CLEC16A: variants seen among roughly 807,000 people sequenced by gnomAD.
The protein encoded by CLEC16A is protein CLEC16A.
A neutral mutation model predicts 109.5 loss-of-function variants in CLEC16A; 51 were observed. The observed-to-expected ratio is 0.47, with a 90% confidence interval of 0.37 to 0.59. CLEC16A has a LOEUF of 0.59. CLEC16A is among the 20% of genes least tolerant of loss of function. The probability of loss-of-function intolerance (pLI) is 0.00; values close to 1 mark genes in which losing one functional copy is unlikely to be tolerated. For synonymous variants in CLEC16A, 673 were observed against 564.2 expected (o/e 1.19, Z -2.73); for missense variants, 1,339 against 1,394.0 (o/e 0.96, Z 0.63).
chr16:11,131,137 G>C (rs574835711), intron 22 of CLEC16A, among the ~76,000 whole-genome samples: 4 of 152,202 alleles, frequency 2.6e-5, no homozygotes, highest in Non-Finnish European at 5.9e-5. Context: ...TGGCCAAGGA[G>C]GGGGGTCAGT....
chr16:11,033,509 C>T (rs945977727), intron 13 of CLEC16A, among the ~76,000 whole-genome samples: 1 of 152,154 alleles, frequency 6.6e-6, no homozygotes, highest in Non-Finnish European at 1.5e-5. Flanking sequence ...CAGTCCTGGC[C>T]TGTGAGCACA....
At position 11,125,960 on chromosome 16, in the gene CLEC16A, T is replaced by C. The variant is rs200077511; in HGVS notation, c.2474-19T>C. The C allele has an allele frequency of 1.5e-6, 2 of 1,333,960 alleles. No individual in the cohort carries two copies. Among genetic ancestry groups the C allele is most frequent in the African/African-American group, 3.4e-5 (2 of 58,326 alleles). The allele number at this position is 1,333,960 out of a possible 1,614,324, so 82.6% of individuals were successfully genotyped here. ...TATCCCACATGCTCAGAGTGAACCATGCTATTGTTTGACCGTAGCCCTCCT... is the reference window on the plus strand; with the variant it reads ...TATCCCACATGCTCAGAGTGAACCACGCTATTGTTTGACCGTAGCCCTCCT... On this transcript the variant is annotated intron_variant, in intron 21 of 23. Coordinates refer to ENST00000409790, the MANE Select transcript of CLEC16A (RefSeq NM_015226.3).
chr16:11,124,011 C>T, intron 21 of CLEC16A, 65 bp downstream of exon 21: 3 of 1,435,028 alleles, frequency 2.1e-6, no homozygotes, highest in Non-Finnish European at 2.9e-6. Context: ...GTTTGTAGTT[C>T]TCACACTGAC....
chr16:11,032,096 ACT>A (rs1333733205), intron 13 of CLEC16A, among the ~76,000 whole-genome samples: 7 of 151,966 alleles, frequency 4.6e-5, no homozygotes, highest in Admixed American at 3.3e-4. Flanking sequence ...GTGAGCATGG[ACT>A]CTGCCCGCAG....
intron 19 of CLEC16A, among the ~76,000 whole-genome samples, chr16:11,116,864 G>A (rs1396445411): frequency 1.3e-5 from 2 of 152,130 alleles, no homozygotes; most frequent in Non-Finnish European, 2.9e-5. Context: ...CTGGGATGTG[G>A]TAATACATAG....
At chr16:11,105,637 G>C (rs1383543044) in intron 19 of CLEC16A, among the ~76,000 whole-genome samples, 1 of 152,234 alleles carries the variant, frequency 6.6e-6, no homozygotes, top group Non-Finnish European at 1.5e-5. Context: ...TTTGGAAGCA[G>C]ACAGAGCTGA....
chr16:11,114,074 C>T (rs1350089501), intron 19 of CLEC16A, among the ~76,000 whole-genome samples: 8 of 151,414 alleles, frequency 5.3e-5, no homozygotes, highest in Admixed American at 1.3e-4. Flanking sequence ...CTTGCCAATC[C>T]TATGGGCAGA....
At chr16:10,947,944 A>C (rs1447665443) in intron 1 of CLEC16A, among the ~76,000 whole-genome samples, 3 of 151,876 alleles carry the variant, frequency 2.0e-5, no homozygotes, top group Admixed American at 1.3e-4. Context: ...CCCAGGCTGG[A>C]GTGCAGTGGC....
At position 11,182,062 on chromosome 16, in the gene CLEC16A, AG is replaced by A. The variant is rs1193328631; in HGVS notation, c.*3375del. On this transcript the variant is annotated 3_prime_UTR_variant, in exon 24 of 24. Coordinates refer to ENST00000409790, the MANE Select transcript of CLEC16A (RefSeq NM_015226.3). The stretch of plus-strand genomic sequence containing the variant: ...TGCCTCTGAGCCTCGGGACCGCTCT[AG>A]GGAAGTACCTGCTTTCGCCAGCATG... 1.3e-5 allele frequency: 2 copies of A among 152,458 alleles called. No individual in the cohort carries two copies. Among genetic ancestry groups the A allele is most frequent in the Non-Finnish European group, 2.9e-5 (2 of 68,056 alleles). 9.4% of individuals were successfully genotyped at this position (152,458 alleles called of 1,614,324 possible).
At chr16:11,004,218 A>G (rs544616199) in intron 11 of CLEC16A, among the ~76,000 whole-genome samples, 1 of 152,126 alleles carries the variant, frequency 6.6e-6, no homozygotes, top group East Asian at 1.9e-4. Context: ...GAGATCATTT[A>G]CTCTTGGGAT....
At chr16:11,027,799 A>G (rs1303007962) in intron 13 of CLEC16A, 9 of 870,278 alleles carry the variant, frequency 1.0e-5, no homozygotes, top group Middle Eastern at 3.2e-4. Flanking sequence ...TTTTTGATCA[A>G]TGAAGTGGAA....
chr16:11,149,598 C>A (rs34720006), intron 22 of CLEC16A, among the ~76,000 whole-genome samples: 27,948 of 151,954 alleles, frequency 0.18, 3,288 homozygotes, highest in Middle Eastern at 0.26. Context: ...TCAAGACCAG[C>A]CTGAGCAACA....
intron 15 of CLEC16A, 88 bp from the exon 16 acceptor site, chr16:11,043,940 C>A: frequency 2.1e-6 from 2 of 971,908 alleles, no homozygotes; most frequent in Non-Finnish European, 3.1e-6. Context: ...CTGTTTTATA[C>A]ACACTCATGT....
intron 22 of CLEC16A, among the ~76,000 whole-genome samples, chr16:11,129,810 T>A (rs929662367): frequency 6.7e-6 from 1 of 149,712 alleles, no homozygotes; most frequent in Non-Finnish European, 1.5e-5. Flanking sequence ...TCGCCCAGGC[T>A]GGGGTGCAGT....
chr16:11,066,337 G>A (rs543036993), intron 19 of CLEC16A, among the ~76,000 whole-genome samples: 238 of 152,158 alleles, frequency 1.6e-3, no homozygotes, highest in African/African-American at 5.5e-3. Context: ...AGTTTGCAGT[G>A]GCGATGCCAG....
At chr16:11,051,924 A>G (rs1225335480) in intron 18 of CLEC16A, among the ~76,000 whole-genome samples, 1 of 152,232 alleles carries the variant, frequency 6.6e-6, no homozygotes, top group African/African-American at 2.4e-5. Context: ...TCAGGAGTGT[A>G]AGGCAATGGG....
intron 2 of CLEC16A, among the ~76,000 whole-genome samples, chr16:10,959,321 A>G (rs1416702183): frequency 2.6e-5 from 4 of 152,192 alleles, no homozygotes. Context: ...ATGATCTCCA[A>G]AGCAGAACAT....
In CLEC16A at chr16:10,944,813, G is replaced by A. The variant is rs763083315; in HGVS notation, c.80+16G>A. The A allele has an allele frequency of 3.1e-6, 5 of 1,591,278 alleles. No homozygotes were observed. Among genetic ancestry groups the A allele is most frequent in the Middle Eastern group, 3.3e-4 (2 of 6,030 alleles). Reference sequence around the variant, plus strand: ...ACCACCTCAAGTGAGTGTGGGGGGCGTAGCGGGAGGCCTCGGGGCTGGACA... The same window carrying A: ...ACCACCTCAAGTGAGTGTGGGGGGCATAGCGGGAGGCCTCGGGGCTGGACA... On this transcript the variant is annotated intron_variant, in intron 1 of 23. Coordinates refer to ENST00000409790, the MANE Select transcript of CLEC16A (RefSeq NM_015226.3).
Position 11,058,489 on chromosome 16 carries a change from A to G in CLEC16A, c.1996-2413A>G, listed in dbSNP as rs192630204. On this transcript the variant is annotated intron_variant, in intron 18 of 23. Coordinates refer to ENST00000409790, the MANE Select transcript of CLEC16A (RefSeq NM_015226.3). ...CTGTATTGATTAGGGAATAATAAGG[A>G]AAAAAGTCTGTACAAGTTGAGTACA... 3.3e-3 allele frequency among the ~76,000 whole-genome samples: 502 copies of G among 152,250 alleles called. 5 individuals are homozygous for G. The highest frequency in any genetic ancestry group is 0.012 in the African/African-American group (483 of 41,518).
Sources: allele counts gnomAD v4.1 joint callset (sites outside exome capture counted in the v4.1 genomes callset), GRCh38; gene constraint gnomAD v4.1.1; transcripts MANE v1.5; gene names NCBI Gene and HGNC (gene_info 2026-07-23, HGNC 2026-07-21).